The following PI4KA variants were observed in gnomAD, a reference collection of about 807,000 sequenced individuals.
The protein encoded by PI4KA is phosphatidylinositol 4-kinase alpha.
A neutral mutation model predicts 271.4 loss-of-function variants in PI4KA; 122 were observed. The observed-to-expected ratio is 0.45, with a 90% CI of 0.39 to 0.52. PI4KA has a LOEUF of 0.52. Among genes scored for constraint, PI4KA ranks in the 20% least tolerant of loss-of-function variants. The probability of loss-of-function intolerance (pLI) is 0.00; values close to 1 mark genes in which losing one functional copy is unlikely to be tolerated. For synonymous variants in PI4KA, 1,041 were observed against 1,078.8 expected (o/e 0.96, Z 0.69); for missense variants, 1,969 against 2,769.1 (o/e 0.71, Z 6.48).
intron 51 of PI4KA, 52 bp downstream of exon 51, chr22:20,711,289 C>G: frequency 8.0e-7 from 1 of 1,253,210 alleles, no homozygotes; most frequent in Non-Finnish European, 1.1e-6. Context: ...CCCTATCCAC[C>G]CCTGGGTGCC....
intron 13 of PI4KA, 125 bp from the exon 14 acceptor site, chr22:20,802,230 A>C: frequency 1.4e-6 from 1 of 706,236 alleles, no homozygotes; most frequent in Non-Finnish European, 2.3e-6. Context: ...CTCTAAAAAC[A>C]TCTGACCAAA....
At chr22:20,752,730 A>G (rs1930841503) in intron 25 of PI4KA, among the ~76,000 whole-genome samples, 173 bp downstream of exon 25, 1 of 152,226 alleles carries the variant, frequency 6.6e-6, no homozygotes, top group South Asian at 2.1e-4. Flanking sequence ...ACCAAAATTC[A>G]GACTCTGCAG....
At chr22:20,845,037 A>C (rs1926073421) in intron 1 of PI4KA, among the ~76,000 whole-genome samples, 1 of 152,220 alleles carries the variant, frequency 6.6e-6, no homozygotes, top group Non-Finnish European at 1.5e-5. Flanking sequence ...GGCCAGGGTT[A>C]TTCCCATTTA....
intron 19 of PI4KA, chr22:20,787,242 A>G: frequency 3.1e-6 from 2 of 654,536 alleles, no homozygotes; most frequent in Non-Finnish European, 5.4e-6. Context: ...GTTGGAATCA[A>G]TTCTGCACAA....
intron 45 of PI4KA, among the ~76,000 whole-genome samples, chr22:20,716,313 A>C (rs1486506726): frequency 6.6e-6 from 1 of 152,160 alleles, no homozygotes; most frequent in South Asian, 2.1e-4. Flanking sequence ...TGGCCTCCCA[A>C]AGTGCTGGGA....
At chr22:20,726,624 G>T in intron 41 of PI4KA, 83 bp from the exon 42 acceptor site, 2 of 1,259,230 alleles carry the variant, frequency 1.6e-6, no homozygotes, top group African/African-American at 1.6e-5. Context: ...CTCTGCTTCT[G>T]CTCTGCCCAC....
intron 19 of PI4KA, among the ~76,000 whole-genome samples, chr22:20,774,324 G>A (rs185043418): frequency 6.4e-4 from 97 of 152,302 alleles, no homozygotes; most frequent in Middle Eastern, 3.4e-3. Context: ...TTCCATTGTT[G>A]GGAGAGTTGA....
At chr22:20,747,179 C>T (rs945542590) in intron 29 of PI4KA, among the ~76,000 whole-genome samples, 6 of 152,198 alleles carry the variant, frequency 3.9e-5, no homozygotes, top group Admixed American at 1.3e-4. Flanking sequence ...CATTCATGTG[C>T]GGTTCAGCAC....
intron 1 of PI4KA, among the ~76,000 whole-genome samples, chr22:20,840,248 G>A (rs183532418): frequency 8.8e-4 from 134 of 152,286 alleles, no homozygotes; most frequent in Non-Finnish European, 1.4e-3. Flanking sequence ...CTCTAAGATG[G>A]TTCCTTAAAT....
intron 39 of PI4KA, among the ~76,000 whole-genome samples, chr22:20,728,178 T>G (rs968833478): frequency 1.3e-5 from 2 of 152,186 alleles, no homozygotes; most frequent in Non-Finnish European, 2.9e-5. Flanking sequence ...TGTGCTTATT[T>G]CACGTTGCAT....
At chr22:20,756,251 G>A (rs925885314) in intron 23 of PI4KA, among the ~76,000 whole-genome samples, 3 of 148,804 alleles carry the variant, frequency 2.0e-5, no homozygotes, top group Non-Finnish European at 4.4e-5. Context: ...TTCGCTCATC[G>A]CCCAGGCTGG....
rs189246881 is a variant in PI4KA, at chr22:20,746,342, A to C, written c.3363+1241T>G. ...CTCCCAAAGTGCTGGGATTACAGGC[A>C]TGAGCCACCGTGCCTGGCCCCAGAA... On this transcript the variant is annotated intron_variant, in intron 29 of 54. Transcript: ENST00000255882. Among the ~76,000 whole-genome samples the C allele has an allele frequency of 4.6e-5, 7 of 152,202 alleles. No individual in the cohort carries two copies. The East Asian group carries it at 9.7e-4, about 21-fold the overall frequency.
chr22:20,853,379 T>C (rs985246576), intron 1 of PI4KA, among the ~76,000 whole-genome samples: 1 of 152,058 alleles, frequency 6.6e-6, no homozygotes, highest in Non-Finnish European at 1.5e-5. Flanking sequence ...GGAAGCTTAG[T>C]AGGGGTGGCT....
intron 16 of PI4KA, 178 bp downstream of exon 16, chr22:20,798,913 CCT>C (rs1935131968): frequency 1.6e-6 from 1 of 631,598 alleles, no homozygotes; most frequent in South Asian, 2.0e-5. Context: ...AGAAATTAAA[CCT>C]CTTTTTCCCC....
At chr22:20,806,794 G>A (rs541502981) in intron 10 of PI4KA, among the ~76,000 whole-genome samples, 72 of 151,902 alleles carry the variant, frequency 4.7e-4, no homozygotes, top group African/African-American at 1.5e-3. Context: ...GCAGTGGCAC[G>A]ATCTGGGCTC....
intron 19 of PI4KA, chr22:20,786,748 A>C: frequency 2.1e-6 from 2 of 968,098 alleles, no homozygotes; most frequent in Admixed American, 1.9e-5. Context: ...AGTGACTCTG[A>C]CCAGCTGTGA....
At chr22:20,756,481 A>T (rs148495290) in intron 23 of PI4KA, among the ~76,000 whole-genome samples, 4,332 of 152,118 alleles carry the variant, frequency 0.028, 107 homozygotes, top group South Asian at 0.1. Context: ...TGGCCTCCCA[A>T]AGTGCTGGGA....
intron 19 of PI4KA, among the ~76,000 whole-genome samples, chr22:20,785,618 G>A (rs559386027): frequency 1.3e-5 from 2 of 152,066 alleles, no homozygotes; most frequent in African/African-American, 4.8e-5. Flanking sequence ...CTTTTTAAAA[G>A]TACACTACCA....
At chr22:20,790,788 AGG>A (rs1934596843) in intron 19 of PI4KA, among the ~76,000 whole-genome samples, 1 of 151,910 alleles carries the variant, frequency 6.6e-6, no homozygotes, top group Admixed American at 6.6e-5. Context: ...AGAAGGTCCA[AGG>A]GGTAACCATA....
Sources: allele counts gnomAD v4.1 joint callset (sites outside exome capture counted in the v4.1 genomes callset), GRCh38; gene constraint gnomAD v4.1.1; transcripts MANE v1.5; gene names NCBI Gene and HGNC (gene_info 2026-07-23, HGNC 2026-07-21).